The following PPM1L variants were observed in gnomAD, a reference collection of about 807,000 sequenced individuals.
PPM1L encodes the protein protein phosphatase 1L.
In PPM1L, 13 loss-of-function variants were observed where a neutral mutation model predicts 31.4. The observed-to-expected ratio is 0.41, with a 90% confidence interval of 0.27 to 0.66. The LOEUF (loss-of-function observed/expected upper bound fraction) is 0.66, where lower values mean the gene tolerates loss of function less well. PPM1L is among the 30% of genes least tolerant of loss of function. PPM1L has a pLI of 0.29. For missense variants in PPM1L, 326 were observed against 453.7 expected, an observed-to-expected ratio of 0.72 and a Z score of 2.56; for synonymous variants, 184 against 175.4, an observed-to-expected ratio of 1.05 and a Z score of -0.39.
intron 1 of PPM1L, among the ~76,000 whole-genome samples, chr3:160,883,916 A>G (rs1179894103): frequency 6.6e-6 from 1 of 151,702 alleles, no homozygotes; most frequent in Non-Finnish European, 1.5e-5. Flanking sequence ...AATTAAAAAA[A>G]AAATCTATCC....
At chr3:160,786,157 C>CTGTGTG (rs1239014226) in intron 1 of PPM1L, among the ~76,000 whole-genome samples, 1 of 69,198 alleles carries the variant, frequency 1.4e-5, no homozygotes, top group African/African-American at 8.2e-5. Context: ...CTCTCTCTCT[C>CTGTGTG]TGTGTGTGTG....
At chr3:160,839,094 C>T (rs1176908324) in intron 1 of PPM1L, among the ~76,000 whole-genome samples, 1 of 152,162 alleles carries the variant, frequency 6.6e-6, no homozygotes, top group Non-Finnish European at 1.5e-5. Flanking sequence ...GGCAAGAAGG[C>T]CCTCACCAGA....
chr3:160,936,893 A>C (rs1714989601), intron 1 of PPM1L, among the ~76,000 whole-genome samples: 1 of 152,216 alleles, frequency 6.6e-6, no homozygotes, highest in African/African-American at 2.4e-5. Flanking sequence ...TTCTAAAAGT[A>C]GAATGAATTT....
intron 1 of PPM1L, among the ~76,000 whole-genome samples, chr3:160,850,221 C>T (rs1358720178): frequency 1.3e-5 from 2 of 152,184 alleles, no homozygotes; most frequent in Non-Finnish European, 2.9e-5. Context: ...ACAAAGGATA[C>T]AACCCAAGAA....
At chr3:161,033,265 C>T (rs1331059982) in intron 2 of PPM1L, among the ~76,000 whole-genome samples, 6 of 152,040 alleles carry the variant, frequency 3.9e-5, no homozygotes, top group African/African-American at 1.4e-4. Context: ...GCCATACTAC[C>T]CAAAGTAATT....
chr3:160,878,051 G>A lies in PPM1L; in HGVS notation c.400-83685G>A, dbSNP rs561742789. Among the ~76,000 whole-genome samples the A allele has an allele frequency of 5.9e-5, 9 of 152,270 alleles. No individual in the cohort carries two copies. In the South Asian group the frequency reaches 1.5e-3, roughly 25 times the overall value. On this transcript the variant is annotated intron_variant, in intron 1 of 3. Transcript: ENST00000498165. Reference sequence around the variant, plus strand: ...TTGGGGGTTGCTTTTCATTAAAAGGGAAACCTTATCGAGGACTTCCTTAAC... The same window carrying A: ...TTGGGGGTTGCTTTTCATTAAAAGGAAAACCTTATCGAGGACTTCCTTAAC...
intron 1 of PPM1L, among the ~76,000 whole-genome samples, chr3:160,925,016 A>G (rs1576718019): frequency 6.6e-6 from 1 of 152,308 alleles, no homozygotes; most frequent in Non-Finnish European, 1.5e-5. Context: ...ATTCTCTCCT[A>G]TTTGTTTTAT....
Position 160,934,271 on chromosome 3 carries a change from T to C in PPM1L, c.400-27465T>C, listed in dbSNP as rs1199830859. Among the ~76,000 whole-genome samples, 5 of 152,252 alleles carry C rather than the reference T, an allele frequency of 3.3e-5. No homozygotes were observed. The East Asian group carries it at 7.7e-4, about 23-fold the overall frequency. On this transcript the variant is annotated intron_variant, in intron 1 of 3. Transcript: ENST00000498165. ...TACTTTTTTGGTAGGCCTCCTGCTG[T>C]GACCAAAGTCAAATAAGTGGAAATG...
chr3:160,860,621 G>A (rs190823219), intron 1 of PPM1L, among the ~76,000 whole-genome samples: 3 of 152,312 alleles, frequency 2.0e-5, no homozygotes, highest in Admixed American at 2.0e-4. Flanking sequence ...AAGTTACAAA[G>A]CCAGGACTTT....
intron 1 of PPM1L, among the ~76,000 whole-genome samples, chr3:160,811,318 G>A (rs1380778331): frequency 3.3e-5 from 5 of 152,246 alleles, no homozygotes; most frequent in Non-Finnish European, 5.9e-5. Flanking sequence ...ATGTCTGTGA[G>A]TAATCAGCAC....
intron 1 of PPM1L, among the ~76,000 whole-genome samples, chr3:160,824,078 T>C (rs981923073): frequency 6.6e-6 from 1 of 152,140 alleles, no homozygotes; most frequent in Admixed American, 6.6e-5. Flanking sequence ...AATTCACATG[T>C]TGAACTCCAA....
chr3:160,807,046 A>C (rs995270415), intron 1 of PPM1L, among the ~76,000 whole-genome samples: 2 of 152,226 alleles, frequency 1.3e-5, no homozygotes, highest in Non-Finnish European at 2.9e-5. Context: ...GATGGGGCCG[A>C]GGCATCAAGT....
chr3:160,927,114 T>C (rs1203608341), intron 1 of PPM1L, among the ~76,000 whole-genome samples: 1 of 152,196 alleles, frequency 6.6e-6, no homozygotes, highest in African/African-American at 2.4e-5. Context: ...TTTCTGCACC[T>C]TTACCTTTGC....
intron 1 of PPM1L, among the ~76,000 whole-genome samples, chr3:160,844,574 A>G (rs1714013312): frequency 6.6e-6 from 1 of 152,104 alleles, no homozygotes; most frequent in South Asian, 2.1e-4. Context: ...TTATGTTTCC[A>G]TCCTCTTCAC....
chr3:160,926,978 C>G (rs979504086), intron 1 of PPM1L, among the ~76,000 whole-genome samples: 2 of 152,214 alleles, frequency 1.3e-5, no homozygotes, highest in Non-Finnish European at 2.9e-5. Context: ...CAGTGCCTCA[C>G]AGCATGTATT....
intron 1 of PPM1L, among the ~76,000 whole-genome samples, chr3:160,886,177 C>G (rs1431209661): frequency 2.6e-5 from 4 of 152,198 alleles, no homozygotes; most frequent in African/African-American, 9.6e-5. Context: ...ACAACTCCAG[C>G]CAGAGGCTCA....
intron 2 of PPM1L, among the ~76,000 whole-genome samples, chr3:161,039,282 G>T (rs867696477): frequency 6.6e-6 from 1 of 152,132 alleles, no homozygotes; most frequent in African/African-American, 2.4e-5. Flanking sequence ...TCTGGACTAG[G>T]ACCCTTTTCC....
At chr3:161,009,507 G>C (rs976940008) in intron 2 of PPM1L, among the ~76,000 whole-genome samples, 1 of 152,130 alleles carries the variant, frequency 6.6e-6, no homozygotes, top group South Asian at 2.1e-4. Context: ...AAGAATCCCA[G>C]TCATACTATA....
At chr3:160,990,589 T>C (rs953714459) in intron 2 of PPM1L, among the ~76,000 whole-genome samples, 3 of 152,200 alleles carry the variant, frequency 2.0e-5, no homozygotes, top group South Asian at 2.1e-4. Context: ...ACACAGTAAG[T>C]AGCATTGTCA....
Sources: allele counts gnomAD v4.1 joint callset (sites outside exome capture counted in the v4.1 genomes callset), GRCh38; gene constraint gnomAD v4.1.1; transcripts MANE v1.5; gene names NCBI Gene and HGNC (gene_info 2026-07-23, HGNC 2026-07-21).